GALNT17: variants seen among roughly 807,000 people sequenced by gnomAD.
GALNT17 encodes the protein polypeptide N-acetylgalactosaminyltransferase 17, also known as UDP-GalNAc:polypeptide N-acetylgalactosaminyltransferase-like 3.
Under a neutral mutation model 63.7 loss-of-function variants are expected in GALNT17, and 29 were observed. The ratio of observed to expected loss-of-function variants is 0.46; its 90% CI spans 0.34 to 0.62. The LOEUF is 0.62. Ranked by LOEUF, GALNT17 falls within the 20% of genes least tolerant of loss-of-function variation. The probability of loss-of-function intolerance (pLI) is 0.01; values close to 1 mark genes in which losing one functional copy is unlikely to be tolerated. For synonymous variants in GALNT17, 305 were observed against 318.3 expected, an observed-to-expected ratio of 0.96 and a Z score of 0.45; for missense variants, 603 against 799.6, an observed-to-expected ratio of 0.75 and a Z score of 2.97.
intron 6 of GALNT17, among the ~76,000 whole-genome samples, chr7:71,602,190 C>T (rs1287821093): frequency 1.3e-5 from 2 of 152,206 alleles, no homozygotes; most frequent in Admixed American, 6.5e-5. Context: ...AATCAAAATG[C>T]GTAGAGTATT....
intron 1 of GALNT17, among the ~76,000 whole-genome samples, chr7:71,190,549 CT>C: frequency 6.6e-6 from 1 of 152,276 alleles, no homozygotes; most frequent in Non-Finnish European, 1.5e-5. Context: ...AATTCAATCT[CT>C]TTTCTTCATA....
chr7:71,311,772 A>G (rs1168810532), intron 1 of GALNT17, among the ~76,000 whole-genome samples: 1 of 152,200 alleles, frequency 6.6e-6, no homozygotes, highest in Non-Finnish European at 1.5e-5. Context: ...GCAGTTGCTC[A>G]CCAGTCCCTG....
intron 5 of GALNT17, among the ~76,000 whole-genome samples, chr7:71,431,861 T>C (rs1205085499): frequency 6.6e-6 from 1 of 152,130 alleles, no homozygotes; most frequent in Non-Finnish European, 1.5e-5. Context: ...TATTATTTGT[T>C]AATGATGAAA....
chr7:71,493,883 A>C (rs970619578), intron 5 of GALNT17, among the ~76,000 whole-genome samples: 2 of 152,128 alleles, frequency 1.3e-5, no homozygotes, highest in Non-Finnish European at 2.9e-5. Context: ...TTCTCTCTCT[A>C]ATAAACATAC....
intron 2 of GALNT17, among the ~76,000 whole-genome samples, chr7:71,348,695 G>T (rs183198345): frequency 7.9e-5 from 12 of 152,342 alleles, no homozygotes; most frequent in Admixed American, 1.3e-4. Context: ...AGTACTGGCT[G>T]TTGTTGCTTC....
chr7:71,296,760 C>T (rs1246778499), intron 1 of GALNT17, among the ~76,000 whole-genome samples: 1 of 150,440 alleles, frequency 6.6e-6, no homozygotes, highest in African/African-American at 2.5e-5. Context: ...TAAAATATAT[C>T]CTGTAAGTAA....
chr7:71,577,506 A>G (rs1789558279), intron 6 of GALNT17, among the ~76,000 whole-genome samples: 2 of 151,878 alleles, frequency 1.3e-5, no homozygotes, highest in Non-Finnish European at 2.9e-5. Context: ...GAGGATGCTC[A>G]AGTGAGATAA....
At position 71,329,687 on chromosome 7, in the gene GALNT17, C is replaced by A. The variant is rs191030413; in HGVS notation, c.239-5863C>A. ...AGAGAGAGAAGGGGGAAGTGCTACA[C>A]ACTTTTAAACAACCAGGTCTCATGA... On this transcript the variant is annotated intron_variant, in intron 1 of 10. Transcript: ENST00000333538. Among the ~76,000 whole-genome samples, 518 of 152,158 alleles carry A rather than the reference C, an allele frequency of 3.4e-3. 4 individuals are homozygous for A. The highest frequency in any genetic ancestry group is 0.011 in the African/African-American group (460 of 41,522).
chr7:71,198,117 G>A (rs1202649), intron 1 of GALNT17, among the ~76,000 whole-genome samples: 51,129 of 150,008 alleles, frequency 0.34, 10,272 homozygotes, highest in African/African-American at 0.56. Context: ...AGAATCGCTT[G>A]AACCCAGGAG....
chr7:71,384,407 G>T (rs1487360044), intron 2 of GALNT17, among the ~76,000 whole-genome samples: 1 of 152,080 alleles, frequency 6.6e-6, no homozygotes, highest in African/African-American at 2.4e-5. Context: ...CAGTTCTCAA[G>T]GGTTTTCTCA....
intron 5 of GALNT17, among the ~76,000 whole-genome samples, chr7:71,474,993 G>A (rs116098834): frequency 1.4e-3 from 215 of 152,096 alleles, no homozygotes; most frequent in African/African-American, 5.0e-3. Flanking sequence ...AAGGAATGCC[G>A]GCAGCCACCA....
At chr7:71,497,254 C>T (rs1788111421) in intron 5 of GALNT17, among the ~76,000 whole-genome samples, 1 of 152,318 alleles carries the variant, frequency 6.6e-6, no homozygotes, top group Non-Finnish European at 1.5e-5. Context: ...CCATAACACA[C>T]ATTGTGCAAA....
At chr7:71,138,517 C>G (rs571884143) in intron 1 of GALNT17, among the ~76,000 whole-genome samples, 1 of 152,028 alleles carries the variant, frequency 6.6e-6, no homozygotes, top group East Asian at 1.9e-4. Flanking sequence ...CAGTTCAGAC[C>G]CTTGTTGTTC....
At chr7:71,193,020 C>T (rs1289749798) in intron 1 of GALNT17, among the ~76,000 whole-genome samples, 2 of 152,004 alleles carry the variant, frequency 1.3e-5, no homozygotes, top group Non-Finnish European at 2.9e-5. Flanking sequence ...ATGTGTGCAC[C>T]CAGAGTCTTT....
intron 5 of GALNT17, among the ~76,000 whole-genome samples, chr7:71,487,550 T>C (rs193037012): frequency 3.3e-5 from 5 of 152,160 alleles, no homozygotes; most frequent in Admixed American, 2.6e-4. Context: ...GGTGGGAAGA[T>C]TGCATGAACC....
chr7:71,132,840 T>G lies in GALNT17; in HGVS notation c.38T>G (p.Leu13Trp), dbSNP rs144319965. 2.0e-5 allele frequency: 33 copies of G among 1,611,802 alleles called. No individual in the cohort carries two copies. In the African/African-American group the frequency reaches 4.3e-4, roughly 21 times the overall value. Residue 13 changes from leucine (L) to tryptophan (W), a missense_variant, in exon 1 of 11, where the codon TTG (leucine) becomes TGG (tryptophan). This residue lies in a region of GALNT17 where 195 missense variants were observed against 215.0 expected (regional missense o/e 0.91). Coordinates refer to ENST00000333538, the MANE Select transcript of GALNT17 (RefSeq NM_022479.3). ...SLRRVKVLLV[L>W]NLIAVAGFVL... ...AGAAGAGTCAAAGTGCTGTTGGTGT[T>G]GAACTTGATCGCGGTAGCCGGCTTC...
At chr7:71,650,675 T>G (rs1436293104) in intron 6 of GALNT17, among the ~76,000 whole-genome samples, 2 of 152,178 alleles carry the variant, frequency 1.3e-5, no homozygotes, top group African/African-American at 4.8e-5. Context: ...AAACATAGCT[T>G]ATCTATAATT....
chr7:71,152,992 A>G (rs1585842121), intron 1 of GALNT17, among the ~76,000 whole-genome samples: 2 of 152,258 alleles, frequency 1.3e-5, no homozygotes, highest in East Asian at 3.9e-4. Flanking sequence ...TTGGAAAGCT[A>G]ACCTTCCATA....
At chr7:71,335,756 G>A in intron 2 of GALNT17, 23 bp downstream of exon 2, 1 of 1,573,214 alleles carries the variant, frequency 6.4e-7, no homozygotes, top group South Asian at 1.2e-5. Context: ...TCAGTCATTT[G>A]CGGAGCTTGA....
Sources: allele counts gnomAD v4.1 joint callset (sites outside exome capture counted in the v4.1 genomes callset), GRCh38; gene constraint gnomAD v4.1.1; regional missense constraint gnomAD v4.1.1; transcripts MANE v1.5; gene names NCBI Gene and HGNC (gene_info 2026-07-23, HGNC 2026-07-21).